The following SHISA6 variants were observed in gnomAD, a reference collection of about 807,000 sequenced individuals.
SHISA6 encodes protein shisa-6.
A neutral mutation model predicts 47.9 loss-of-function variants in SHISA6; 22 were observed. That is an observed-to-expected ratio of 0.46 (90% CI 0.33 to 0.66). The LOEUF (loss-of-function observed/expected upper bound fraction) is 0.66, where lower values mean the gene tolerates loss of function less well. Among genes scored for constraint, SHISA6 ranks in the 30% least tolerant of loss-of-function variants. The pLI is 0.02. For missense variants in SHISA6, 680 were observed against 764.6 expected, an observed-to-expected ratio of 0.89 and a Z score of 1.30; for synonymous variants, 388 against 337.8, an observed-to-expected ratio of 1.15 and a Z score of -1.63.
intron 3 of SHISA6, among the ~76,000 whole-genome samples, chr17:11,415,358 A>G (rs1170192352): frequency 6.6e-6 from 1 of 152,190 alleles, no homozygotes; most frequent in Non-Finnish European, 1.5e-5. Flanking sequence ...CCTGCTTCTG[A>G]CCATTAGAAC....
At chr17:11,281,618 C>T (rs900134164) in intron 2 of SHISA6, among the ~76,000 whole-genome samples, 1 of 152,026 alleles carries the variant, frequency 6.6e-6, no homozygotes, top group Non-Finnish European at 1.5e-5. Flanking sequence ...GTTCTGTTTT[C>T]TTGTCATTTT....
intron 2 of SHISA6, among the ~76,000 whole-genome samples, chr17:11,306,086 A>T (rs2142181779): frequency 6.6e-6 from 1 of 152,276 alleles, no homozygotes; most frequent in East Asian, 1.9e-4. Context: ...CATTTTACTG[A>T]ATGCTGACAG....
At chr17:11,288,940 G>C (rs1409955010) in intron 2 of SHISA6, 1 of 152,106 alleles carries the variant, frequency 6.6e-6, no homozygotes, top group Non-Finnish European at 1.5e-5. Context: ...TTCTTTGTGT[G>C]GTTTATTTTT....
intron 3 of SHISA6, among the ~76,000 whole-genome samples, chr17:11,545,510 A>G (rs1371445899): frequency 6.6e-6 from 1 of 152,196 alleles, no homozygotes; most frequent in Non-Finnish European, 1.5e-5. Context: ...ATATAGTACT[A>G]TATTTTTACA....
chr17:11,550,851 C>A (rs186416134), intron 3 of SHISA6, among the ~76,000 whole-genome samples: 1 of 152,230 alleles, frequency 6.6e-6, no homozygotes. Context: ...CACAAAGATG[C>A]CTGAGCATTA....
intron 3 of SHISA6, among the ~76,000 whole-genome samples, chr17:11,419,774 G>T (rs766755650): frequency 4.6e-5 from 7 of 152,170 alleles, no homozygotes; most frequent in African/African-American, 1.7e-4. Flanking sequence ...ATCATCCTTT[G>T]CATTCCATTT....
intron 1 of SHISA6, among the ~76,000 whole-genome samples, chr17:11,260,443 T>C (rs1908186648): frequency 6.6e-6 from 1 of 152,072 alleles, no homozygotes; most frequent in Admixed American, 6.6e-5. Context: ...GCTGACAGCC[T>C]GTCGTGTCCC....
At chr17:11,321,858 A>G (rs1910727359) in intron 2 of SHISA6, among the ~76,000 whole-genome samples, 1 of 152,014 alleles carries the variant, frequency 6.6e-6, no homozygotes, top group Non-Finnish European at 1.5e-5. Flanking sequence ...TAAAACATTG[A>G]GAGTTTTTTG....
At chr17:11,377,354 G>A (rs2142242871) in intron 2 of SHISA6, among the ~76,000 whole-genome samples, 1 of 152,308 alleles carries the variant, frequency 6.6e-6, no homozygotes, top group Admixed American at 6.5e-5. Flanking sequence ...GTGCCCTAAG[G>A]AAGGAGGTAA....
chr17:11,466,453 A>C (rs1915812326), intron 3 of SHISA6, among the ~76,000 whole-genome samples: 1 of 152,134 alleles, frequency 6.6e-6, no homozygotes, highest in Non-Finnish European at 1.5e-5. Context: ...TAACCTAATC[A>C]CATCTGCAAA....
At chr17:11,304,464 T>C (rs1321458190) in intron 2 of SHISA6, among the ~76,000 whole-genome samples, 3 of 150,338 alleles carry the variant, frequency 2.0e-5, no homozygotes, top group African/African-American at 7.3e-5. Context: ...CTGGGATGCC[T>C]GGTACTGGGA....
chr17:11,347,128 G>A (rs993837155), intron 2 of SHISA6, among the ~76,000 whole-genome samples: 1 of 151,870 alleles, frequency 6.6e-6, no homozygotes, highest in Admixed American at 6.6e-5. Context: ...AAGGTAGGAA[G>A]ATGGAAACTT....
intron 3 of SHISA6, among the ~76,000 whole-genome samples, chr17:11,470,407 C>T (rs1307063349): frequency 6.6e-6 from 1 of 152,238 alleles, no homozygotes; most frequent in African/African-American, 2.4e-5. Flanking sequence ...TAACAGGTAT[C>T]AGTCCCCAGA....
At chr17:11,470,246 C>T (rs1915904747) in intron 3 of SHISA6, among the ~76,000 whole-genome samples, 1 of 152,192 alleles carries the variant, frequency 6.6e-6, no homozygotes, top group Admixed American at 6.5e-5. Context: ...GTCAAGGTTC[C>T]AACTTAGAGC....
chr17:11,476,052 G>T (rs773462266), intron 3 of SHISA6, among the ~76,000 whole-genome samples: 1 of 151,910 alleles, frequency 6.6e-6, no homozygotes, highest in Non-Finnish European at 1.5e-5. Flanking sequence ...TTTCATCTAG[G>T]TTATATAATT....
In SHISA6 at chr17:11,422,515, G is replaced by A. The variant is rs371107406; in HGVS notation, c.895+43006G>A. 4.6e-5 allele frequency among the ~76,000 whole-genome samples: 7 copies of A among 152,302 alleles called. 1 individual carries two copies. Among genetic ancestry groups the A allele is most frequent in the East Asian group, 3.9e-4 (2 of 5,172 alleles). ...GCCTGTAATCCCAACACTTTGGGAG[G>A]CCAAGGCGGGCGGATCACCTGAGGT... On this transcript the variant is annotated intron_variant, in intron 3 of 5. Transcript: ENST00000441885.
At chr17:11,428,912 G>A (rs1392830114) in intron 3 of SHISA6, among the ~76,000 whole-genome samples, 1 of 150,836 alleles carries the variant, frequency 6.6e-6, no homozygotes, top group Non-Finnish European at 1.5e-5. Context: ...AGCCTCCCAA[G>A]TAGCTGGGAC....
intron 1 of SHISA6, among the ~76,000 whole-genome samples, chr17:11,248,922 G>A (rs964465230): frequency 2.6e-5 from 4 of 152,014 alleles, no homozygotes; most frequent in South Asian, 2.1e-4. Flanking sequence ...GGCAGATCAC[G>A]AGGTCAGGAG....
chr17:11,537,842 G>A lies in SHISA6; in HGVS notation c.896-14054G>A, dbSNP rs1409769979. On this transcript the variant is annotated intron_variant, in intron 3 of 5. Transcript: ENST00000441885. The stretch of plus-strand genomic sequence containing the variant: ...AACTCAACCTCCAGAAACATTCAAT[G>A]TATAAATAGTTGAGGAAGAGAGCCT... Among the ~76,000 whole-genome samples the A allele has an allele frequency of 3.3e-5, 5 of 152,202 alleles. No homozygotes were observed. The East Asian group carries it at 9.6e-4, about 29-fold the overall frequency.
Sources: gnomAD v4.1 joint callset for allele counts (sites outside exome capture counted in the v4.1 genomes callset) on GRCh38, gnomAD v4.1.1 for gene constraint, MANE v1.5 for transcripts, NCBI Gene and HGNC (gene_info 2026-07-23, HGNC 2026-07-21) for gene names.